ZNF461: variants seen among roughly 807,000 people sequenced by gnomAD.
The protein encoded by ZNF461 is zinc finger protein 461, also known as gonadotropin-inducible ovarian transcription factor-1.
ZNF461 carries 16 observed loss-of-function variants against 18.3 expected under a neutral mutation model. That is an observed-to-expected ratio of 0.88 (90% CI 0.59 to 1.33). The LOEUF (loss-of-function observed/expected upper bound fraction) is 1.33. ZNF461 is among the 40% of genes most tolerant of loss of function. The probability of loss-of-function intolerance (pLI) is 0.00; values close to 1 mark genes in which losing one functional copy is unlikely to be tolerated. For missense variants in ZNF461, 595 were observed against 669.9 expected (o/e 0.89, Z 1.23); for synonymous variants, 179 against 216.9 (o/e 0.83, Z 1.54).
chr19:36,640,837 G>A (rs1044066196), intron 5 of ZNF461, among the ~76,000 whole-genome samples: 2 of 152,134 alleles, frequency 1.3e-5, no homozygotes, highest in Middle Eastern at 3.2e-3. Flanking sequence ...GGTTTCAATC[G>A]CTATTGTTCT....
chr19:36,643,879 G>C lies in ZNF461; in HGVS notation c.233-17C>G. The stretch of plus-strand genomic sequence containing the variant: ...TCCATGTACCTACATGGAAACAAAA[G>C]AATAAATACTTCATTTTAGAATAAT... On this transcript the variant is annotated splice_polypyrimidine_tract_variant and intron_variant, in intron 4 of 5. Coordinates refer to ENST00000588268, the MANE Select transcript of ZNF461 (RefSeq NM_153257.5). 1 of 1,445,354 alleles carries C rather than the reference G, an allele frequency of 6.9e-7. No individual in the cohort carries two copies. Among genetic ancestry groups the C allele is most frequent in the Non-Finnish European group, 9.3e-7 (1 of 1,077,082 alleles). The allele number at this position is 1,445,354 out of a possible 1,614,324, so 89.5% of individuals were successfully genotyped here.
At position 36,639,600 on chromosome 19, in the gene ZNF461, T is replaced by C. The variant is rs781112490; in HGVS notation, c.745A>G (p.Lys249Glu). 6.2e-7 allele frequency: 1 copy of C among 1,613,404 alleles called. No homozygotes were observed. The highest frequency in any genetic ancestry group is 2.2e-5 in the East Asian group (1 of 44,878). Reference sequence around the variant, plus strand: ...TGAACAAAGGCCTTCCAACATTCTTTACACTCATTGCATTTGTCACCATTT... The same window carrying C: ...TGAACAAAGGCCTTCCAACATTCTTCACACTCATTGCATTTGTCACCATTT... ...IQNGDKCNEC[K>E]ECWKAFVHCS... Residue 249 changes from lysine (K) to glutamate (E), a missense_variant, in exon 6 of 6, where the codon AAA becomes GAA. Physicochemically the swap from Lys to Glu is moderately conservative, Grantham distance 56. Coordinates refer to ENST00000588268, the MANE Select transcript of ZNF461 (RefSeq NM_153257.5).
chr19:36,665,670 C>CCG (rs1192287329), intron 1 of ZNF461, among the ~76,000 whole-genome samples: 1 of 146,400 alleles, frequency 6.8e-6, no homozygotes, highest in African/African-American at 2.6e-5. Flanking sequence ...GATCGCGCCA[C>CCG]CGCACTCCAG....
chr19:36,658,713 A>C (rs948094093), intron 2 of ZNF461: 3 of 293,526 alleles, frequency 1.0e-5, no homozygotes, highest in Non-Finnish European at 1.9e-5. Flanking sequence ...ATTAAATTAA[A>C]TAGTCAAAAA....
At chr19:36,658,947 T>C (rs554988964) in intron 2 of ZNF461, among the ~76,000 whole-genome samples, 1 of 152,270 alleles carries the variant, frequency 6.6e-6, no homozygotes, top group African/African-American at 2.4e-5. Context: ...CCCCTTCCAA[T>C]TGGCGTAAAG....
At chr19:36,666,467 C>G (rs984248229) in intron 1 of ZNF461, among the ~76,000 whole-genome samples, 2 of 152,244 alleles carry the variant, frequency 1.3e-5, no homozygotes, top group Non-Finnish European at 2.9e-5. Flanking sequence ...TGGTCACAGT[C>G]ACCTACAAAC....
chr19:36,646,468 TGAGCTTGACAGCTTCCAAATACTTAAA>T, intron 4 of ZNF461, among the ~76,000 whole-genome samples: 1 of 152,346 alleles, frequency 6.6e-6, no homozygotes, highest in African/African-American at 2.4e-5. Flanking sequence ...TCAGCCCCTG[TGAGCTTGACAGCTTCCAAATACTTAAA>T]GACTTACCTG....
At chr19:36,642,009 G>T (rs35168065) in intron 5 of ZNF461, among the ~76,000 whole-genome samples, 2 of 152,074 alleles carry the variant, frequency 1.3e-5, no homozygotes, top group African/African-American at 4.8e-5. Flanking sequence ...CTGCAGGCCC[G>T]ACCTCCTGAG....
intron 4 of ZNF461, among the ~76,000 whole-genome samples, chr19:36,656,152 T>G: frequency 6.6e-6 from 1 of 151,830 alleles, no homozygotes; most frequent in Admixed American, 6.6e-5. Context: ...CGCCCACCAC[T>G]GCGCCCGGCT....
chr19:36,650,801 A>C (rs540233644), intron 4 of ZNF461, among the ~76,000 whole-genome samples: 85 of 151,190 alleles, frequency 5.6e-4, no homozygotes, highest in African/African-American at 1.8e-3. Context: ...AGTTCAATGT[A>C]ATATATTATA....
At chr19:36,665,207 A>T (rs897191844) in intron 1 of ZNF461, among the ~76,000 whole-genome samples, 1 of 152,236 alleles carries the variant, frequency 6.6e-6, no homozygotes, top group Non-Finnish European at 1.5e-5. Context: ...TATGTGTAAC[A>T]GAAATTTCAA....
At chr19:36,665,944 G>A (rs2037915688) in intron 1 of ZNF461, among the ~76,000 whole-genome samples, 1 of 152,020 alleles carries the variant, frequency 6.6e-6, no homozygotes, top group African/African-American at 2.4e-5. Context: ...ACAGATCTCT[G>A]GAGTGGGGCG....
intron 5 of ZNF461, 63 bp from the exon 6 acceptor site, chr19:36,640,106 T>C (rs1037340325): frequency 2.6e-5 from 35 of 1,369,554 alleles, no homozygotes; most frequent in Non-Finnish European, 3.3e-5. Flanking sequence ...AAAATATCTA[T>C]GGTAGCAATG....
Position 36,638,931 on chromosome 19 carries a change from T to G in ZNF461, c.1414A>C (p.Met472Leu). 6.2e-7 allele frequency: 1 copy of G among 1,607,490 alleles called. No homozygotes were observed. The highest frequency in any genetic ancestry group is 8.5e-7 in the Non-Finnish European group (1 of 1,175,068). The part of the protein sequence containing the change: ...IHTGEKPHEC[M>L]ICGKAFRLHS... ...AGTCTAAAGGCCTTACCACATATCA[T>G]GCATTCATGAGGTTTCTCACCAGTA... Residue 472 changes from methionine to leucine, a missense_variant, in exon 6 of 6, where the codon ATG (methionine) becomes CTG (leucine). By Grantham distance (15) the Met-to-Leu change is conservative. Coordinates refer to ENST00000588268, the MANE Select transcript of ZNF461 (RefSeq NM_153257.5).
At position 36,658,415 on chromosome 19, in the gene ZNF461, A is replaced by G. The variant is rs752128742; in HGVS notation, c.20T>C (p.Met7Thr). The G allele has an allele frequency of 1.9e-6, 3 of 1,608,370 alleles. No individual in the cohort carries two copies. The highest frequency in any genetic ancestry group is 2.5e-6 in the Non-Finnish European group (3 of 1,177,600). The stretch of plus-strand genomic sequence containing the variant: ...GACATCTATAGCCACATCTCTGAAC[A>G]TCACCAACTCCTAAAATGACAAATA... MAHELV[M>T]FRDVAIDVSQ... The change falls in exon 3 of 6, where the codon ATG becomes ACG. Residue 7 changes from methionine (M) to threonine (T), a missense_variant. Met to Thr is a moderately conservative substitution (Grantham distance 81, BLOSUM62 -1). Transcript: ENST00000588268.
chr19:36,656,574 T>G, intron 3 of ZNF461, 31 bp from the exon 4 acceptor site: 3 of 1,457,036 alleles, frequency 2.1e-6, no homozygotes, highest in Non-Finnish European at 2.9e-6. Flanking sequence ...TGAGATGAGA[T>G]GGAAATGAAT....
At chr19:36,658,553 A>G in intron 2 of ZNF461, 128 bp from the exon 3 acceptor site, 1 of 926,488 alleles carries the variant, frequency 1.1e-6, no homozygotes, top group South Asian at 1.8e-5. Flanking sequence ...TAAGCCTGGG[A>G]CATGGGTCAA....
At chr19:36,658,247 A>G in intron 3 of ZNF461, 52 bp downstream of exon 3, 1 of 1,549,892 alleles carries the variant, frequency 6.5e-7, no homozygotes, top group Admixed American at 2.0e-5. Flanking sequence ...TAGATTGTGA[A>G]TTGTTAGCGG....
chr19:36,660,762 A>G, intron 2 of ZNF461, among the ~76,000 whole-genome samples: 1 of 151,938 alleles, frequency 6.6e-6, no homozygotes, highest in East Asian at 1.9e-4. Flanking sequence ...ATGCTACAAA[A>G]ATGTAAAAGG....
Sources: allele counts gnomAD v4.1 joint callset (sites outside exome capture counted in the v4.1 genomes callset), GRCh38; gene constraint gnomAD v4.1.1; transcripts MANE v1.5; gene names NCBI Gene and HGNC (gene_info 2026-07-23, HGNC 2026-07-21).